The following MYH10 variants were observed in gnomAD, a reference collection of about 807,000 sequenced individuals.
The protein encoded by MYH10 is myosin heavy chain 10.
MYH10 carries 55 observed loss-of-function variants against 257.8 expected under a neutral mutation model. That is an observed-to-expected ratio of 0.21 (90% confidence interval 0.17 to 0.27). The LOEUF (loss-of-function observed/expected upper bound fraction) is 0.27, where lower values mean the gene tolerates loss of function less well. Ranked by LOEUF, MYH10 falls within the 10% of genes least tolerant of loss-of-function variation. The pLI is 1.00. For synonymous variants in MYH10, 854 were observed against 921.7 expected, an observed-to-expected ratio of 0.93 and a Z score of 1.33; for missense variants, 1,631 against 2,500.6, an observed-to-expected ratio of 0.65 and a Z score of 7.42.
chr17:8,492,296 C>G lies in MYH10; in HGVS notation c.4671+1G>C, dbSNP rs766267932. Reference sequence around the variant, plus strand: ...AGTGTGGAGCCCACCAGGCGACTTACGTTTTTTCCCACATCATCTTTGGAG... The same window carrying G: ...AGTGTGGAGCCCACCAGGCGACTTAGGTTTTTTCCCACATCATCTTTGGAG... On this transcript the variant is annotated splice_donor_variant, in intron 34 of 42. Transcript: ENST00000360416. LOFTEE classifies it high-confidence loss of function. 1 of 1,611,856 alleles carries G rather than the reference C, an allele frequency of 6.2e-7. No individual in the cohort carries two copies. Among genetic ancestry groups the G allele is most frequent in the South Asian group, 1.1e-5 (1 of 91,084 alleles).
intron 1 of MYH10, 124 bp from the exon 2 acceptor site, chr17:8,623,401 T>C (rs894546334): frequency 8.7e-6 from 8 of 917,910 alleles, no homozygotes; most frequent in African/African-American, 1.7e-5. Context: ...AGCTGGGGTA[T>C]ACCTCTTCAC....
At chr17:8,578,137 G>A (rs530964450) in intron 4 of MYH10, among the ~76,000 whole-genome samples, 3 of 152,208 alleles carry the variant, frequency 2.0e-5, no homozygotes, top group African/African-American at 2.4e-5. Context: ...GGCTAGTGAC[G>A]ATTCACTTCC....
rs756466934 is a variant in MYH10, at chr17:8,508,610, G to A, written c.3158C>T (p.Ala1053Val). The A allele has an allele frequency of 1.6e-5, 26 of 1,613,688 alleles. No individual in the cohort carries two copies. The highest frequency in any genetic ancestry group is 1.2e-4 in the African/African-American group (9 of 74,766). The change falls in exon 26 of 43, where the codon GCG becomes GTG. Residue 1053 changes from alanine (A) to valine (V), a missense_variant. By Grantham distance (64) the Ala-to-Val change is moderately conservative (BLOSUM62 0). Coordinates refer to ENST00000360416, the MANE Select transcript of MYH10 (RefSeq NM_001256012.3). The part of the protein sequence containing the change: ...SSQLAEEEEK[A>V]KNLAKIRNKQ... ...ATTCCTGATTTTGGCCAAGTTTTTC[G>A]CCTTTTCTTCCTCTTCAGCCAGCTG...
At chr17:8,621,867 CTACT>C (rs2085481197) in intron 2 of MYH10, among the ~76,000 whole-genome samples, 3 of 152,212 alleles carry the variant, frequency 2.0e-5, no homozygotes, top group African/African-American at 7.2e-5. Context: ...AGCCATTCTC[CTACT>C]TACTCTCTCC....
At chr17:8,628,537 A>G (rs1030274515) in intron 1 of MYH10, among the ~76,000 whole-genome samples, 4 of 152,184 alleles carry the variant, frequency 2.6e-5, no homozygotes, top group African/African-American at 9.6e-5. Flanking sequence ...ATGAGCTAAA[A>G]CAGAACTGTC....
In MYH10 at chr17:8,511,053, TATATATACAC is replaced by T. The variant is rs1386458801; in HGVS notation, c.2953-1114_2953-1105del. On this transcript the variant is annotated intron_variant, in intron 24 of 42. Coordinates refer to ENST00000360416, the MANE Select transcript of MYH10 (RefSeq NM_001256012.3). The stretch of plus-strand genomic sequence containing the variant: ...ATATATATATATATATATATATATA[TATATATACAC>T]ACATACATACATACACACACACACA... 1.3e-3 allele frequency: 64 copies of T among 49,454 alleles called. 1 individual carries two copies. The highest frequency in any genetic ancestry group is 4.5e-3 in the African/African-American group (58 of 12,850). 3.1% of individuals were successfully genotyped at this position (49,454 alleles called of 1,614,324 possible). A position where few individuals can be genotyped will look rare whatever the true frequency, so the allele number is the denominator to read the frequency against.
At chr17:8,555,084 CAG>C (rs1444970303) in intron 7 of MYH10, among the ~76,000 whole-genome samples, 2 of 151,262 alleles carry the variant, frequency 1.3e-5, no homozygotes, top group African/African-American at 4.9e-5. Flanking sequence ...AGCCTGGTGA[CAG>C]AGTGAGACTC....
Position 8,487,435 on chromosome 17 carries a change from G to A in MYH10, c.5044C>T (p.Gln1682Ter). ...ACTCCATGGGTGAAGGCACATACCTGGAGCTTGCGGAGCTGCTTAATCACC... is the reference window on the plus strand; with the variant it reads ...ACTCCATGGGTGAAGGCACATACCTAGAGCTTGCGGAGCTGCTTAATCACC... Reference protein sequence around the residue: ...DEVIKQLRKLQAQMKDYQREL... With the variant: ...DEVIKQLRKL The change falls in exon 36 of 43, where the codon CAG (glutamine) becomes TAG (stop). Residue 1682 changes from glutamine to a stop codon, truncating the protein, a stop_gained and splice_region_variant. Coordinates refer to ENST00000360416, the MANE Select transcript of MYH10 (RefSeq NM_001256012.3). LOFTEE classifies it high-confidence loss of function. 6.2e-7 allele frequency: 1 copy of A among 1,614,088 alleles called. No individual in the cohort carries two copies.
At chr17:8,520,279 G>A (rs1427277601) in intron 19 of MYH10, among the ~76,000 whole-genome samples, 3 of 152,090 alleles carry the variant, frequency 2.0e-5, no homozygotes, top group African/African-American at 7.2e-5. Flanking sequence ...GCGGGATCAC[G>A]AGGTCAGGAG....
In MYH10 at chr17:8,504,668, G is replaced by A. The variant is rs1452663552; in HGVS notation, c.3599+26C>T. ...CGGTGGAGAGGTCGGCAGGCGCCCGGGCCCTGCTTCCTCTCCCACACTCAC... is the reference window on the plus strand; with the variant it reads ...CGGTGGAGAGGTCGGCAGGCGCCCGAGCCCTGCTTCCTCTCCCACACTCAC... On this transcript the variant is annotated intron_variant, in intron 28 of 42. Coordinates refer to ENST00000360416, the MANE Select transcript of MYH10 (RefSeq NM_001256012.3). This position sits in a 1 kb window ranked among gnomAD's most constrained non-coding sequence, Gnocchi z 5.6. 4 of 1,603,424 alleles carry A rather than the reference G, an allele frequency of 2.5e-6. No homozygotes were observed. Among genetic ancestry groups the A allele is most frequent in the South Asian group, 1.1e-5 (1 of 90,774 alleles).
At chr17:8,489,742 CA>C (rs1915467481) in intron 35 of MYH10, among the ~76,000 whole-genome samples, 1 of 151,710 alleles carries the variant, frequency 6.6e-6, no homozygotes, top group African/African-American at 2.4e-5. Flanking sequence ...CACACACACA[CA>C]CACCCCAAAT....
intron 37 of MYH10, 122 bp downstream of exon 37, chr17:8,484,016 T>TA: frequency 2.0e-6 from 2 of 975,738 alleles, no homozygotes; most frequent in Non-Finnish European, 2.9e-6. Context: ...CTTAAAAAAA[T>TA]AAAAAACAAA....
chr17:8,561,523 C>T, intron 7 of MYH10: 1 of 1,444,342 alleles, frequency 6.9e-7, no homozygotes, highest in Non-Finnish European at 9.6e-7. Context: ...AACACCCCCA[C>T]CCCGATTTAG....
At chr17:8,628,680 T>C (rs927698458) in intron 1 of MYH10, among the ~76,000 whole-genome samples, 7 of 152,230 alleles carry the variant, frequency 4.6e-5, no homozygotes, top group South Asian at 2.1e-4. Flanking sequence ...TTGCTACTTA[T>C]GGCCTGCCCC....
chr17:8,610,875 C>G (rs189786817), intron 2 of MYH10, among the ~76,000 whole-genome samples: 9 of 152,292 alleles, frequency 5.9e-5, no homozygotes, highest in African/African-American at 2.2e-4. Flanking sequence ...AGCAACCAAT[C>G]TCAATATGTC....
chr17:8,532,212 C>G (rs145794551), intron 16 of MYH10, among the ~76,000 whole-genome samples: 1 of 152,200 alleles, frequency 6.6e-6, no homozygotes, highest in Non-Finnish European at 1.5e-5. Flanking sequence ...CCAAAGCAAA[C>G]CTGGGGTAGA....
chr17:8,609,145 C>T (rs2084929610), intron 2 of MYH10, among the ~76,000 whole-genome samples: 2 of 152,148 alleles, frequency 1.3e-5, no homozygotes, highest in South Asian at 2.1e-4. Context: ...AGTGCCCGGC[C>T]TCTGTTTAAG....
intron 7 of MYH10, among the ~76,000 whole-genome samples, chr17:8,556,888 C>T (rs536891689): frequency 3.9e-5 from 6 of 152,258 alleles, no homozygotes; most frequent in East Asian, 1.9e-4. Flanking sequence ...GGATGACATT[C>T]GGATCTGTGA....
intron 2 of MYH10, among the ~76,000 whole-genome samples, chr17:8,610,166 A>G (rs1415337211): frequency 6.7e-6 from 1 of 149,936 alleles, no homozygotes; most frequent in Admixed American, 6.7e-5. Context: ...ATAAAGTGAG[A>G]GACAATGTAG....
Sources: gnomAD v4.1 joint callset for allele counts (sites outside exome capture counted in the v4.1 genomes callset) on GRCh38, gnomAD v4.1.1 for gene constraint, Gnocchi (gnomAD v3.1) non-coding constraint, MANE v1.5 for transcripts, NCBI Gene and HGNC (gene_info 2026-07-23, HGNC 2026-07-21) for gene names.